FGF14: variants seen among roughly 807,000 people sequenced by gnomAD.
FGF14 encodes the protein fibroblast growth factor 14, also known as fibroblast growth factor homologous factor 4.
In FGF14, 5 loss-of-function variants were observed where a neutral mutation model predicts 25.5. That is an observed-to-expected ratio of 0.20 (90% CI 0.10 to 0.41). FGF14 has a LOEUF of 0.41. Among genes scored for constraint, FGF14 ranks in the 10% least tolerant of loss-of-function variants. The probability of loss-of-function intolerance (pLI) is 1.00; values close to 1 mark genes in which losing one functional copy is unlikely to be tolerated. For missense variants in FGF14, 222 were observed against 320.1 expected, an observed-to-expected ratio of 0.69 and a Z score of 2.34; for synonymous variants, 138 against 118.3, an observed-to-expected ratio of 1.17 and a Z score of -1.08.
At chr13:102,034,532 T>C (rs2041375822) in intron 1 of FGF14, among the ~76,000 whole-genome samples, 1 of 152,052 alleles carries the variant, frequency 6.6e-6, no homozygotes, top group Non-Finnish European at 1.5e-5. Context: ...TGAAGTTGAG[T>C]CAAGTGAGGC....
At chr13:102,366,069 G>A (rs1224879587) in intron 1 of FGF14, among the ~76,000 whole-genome samples, 2 of 152,168 alleles carry the variant, frequency 1.3e-5, no homozygotes, top group Non-Finnish European at 2.9e-5. Flanking sequence ...TCAATGGTTA[G>A]TGAAAAGGTT....
rs1318465197 is a variant in FGF14 at position 101,715,913 on chromosome 13, AGT to A, written c.*6916_*6917del. 1 of 382,930 alleles carries A rather than the reference AGT, an allele frequency of 2.6e-6. No individual in the cohort carries two copies. Among genetic ancestry groups the A allele is most frequent in the Non-Finnish European group, 4.8e-6 (1 of 206,722 alleles). 23.7% of individuals were successfully genotyped at this position (382,930 alleles called of 1,614,324 possible). On this transcript the variant is annotated 3_prime_UTR_variant, in exon 5 of 5. Transcript: ENST00000376143. ...AACGAGAGCAATTTTTCCACCCAAA[AGT>A]CATTTGGCAACATCTACAGACAATT...
chr13:102,161,703 GAAGAAGAAGAAGAAGAAGA>G (rs2047772741), intron 1 of FGF14, among the ~76,000 whole-genome samples: 1 of 148,200 alleles, frequency 6.7e-6, no homozygotes, highest in Non-Finnish European at 1.5e-5. Flanking sequence ...AGAAGAAGAA[GAAGAAGAAGAAGAAGAAGA>G]AGAATAGAAA....
chr13:102,329,463 T>A (rs1034521924), intron 1 of FGF14, among the ~76,000 whole-genome samples: 8 of 152,178 alleles, frequency 5.3e-5, no homozygotes, highest in African/African-American at 1.9e-4. Flanking sequence ...ACCTTTGTCA[T>A]TCCCTTAAAA....
intron 1 of FGF14, among the ~76,000 whole-genome samples, chr13:102,364,048 G>T (rs1181698616): frequency 6.6e-6 from 1 of 152,142 alleles, no homozygotes; most frequent in Non-Finnish European, 1.5e-5. Flanking sequence ...AGATCATTTG[G>T]GTACCCAGGT....
At chr13:102,279,436 T>A (rs2053716043) in intron 1 of FGF14, among the ~76,000 whole-genome samples, 1 of 152,214 alleles carries the variant, frequency 6.6e-6, no homozygotes, top group African/African-American at 2.4e-5. Context: ...ACATTACATT[T>A]AATCAATTTA....
chr13:101,828,561 A>G (rs896923591), intron 3 of FGF14, among the ~76,000 whole-genome samples: 8 of 151,836 alleles, frequency 5.3e-5, no homozygotes, highest in Non-Finnish European at 8.8e-5. Flanking sequence ...GAAGTTTCCA[A>G]ATTGAAGACT....
At chr13:102,372,469 G>A (rs1413341177) in intron 1 of FGF14, among the ~76,000 whole-genome samples, 2 of 152,102 alleles carry the variant, frequency 1.3e-5, no homozygotes, top group African/African-American at 4.8e-5. Flanking sequence ...GACATGCCAG[G>A]AAAGTCTTGG....
intron 3 of FGF14, among the ~76,000 whole-genome samples, chr13:101,831,962 A>T (rs1313990758): frequency 1.3e-5 from 2 of 152,110 alleles, no homozygotes; most frequent in African/African-American, 4.8e-5. Context: ...GCCACCAAAT[A>T]TATCAGGTCT....
At chr13:101,964,771 T>C (rs1363864850) in intron 1 of FGF14, among the ~76,000 whole-genome samples, 2 of 152,176 alleles carry the variant, frequency 1.3e-5, no homozygotes, top group Non-Finnish European at 2.9e-5. Context: ...TTTTTCTTTC[T>C]TTTCAATGGC....
At chr13:101,919,522 T>G (rs1473295800), upstream of FGF14, among the ~76,000 whole-genome samples, 1 of 151,972 alleles carries the variant, frequency 6.6e-6, no homozygotes, top group Non-Finnish European at 1.5e-5. Context: ...GCTGCAGTCT[T>G]TCCCCCAAAT....
chr13:101,872,445 T>C (rs1261148410), intron 2 of FGF14, among the ~76,000 whole-genome samples: 1 of 151,876 alleles, frequency 6.6e-6, no homozygotes, highest in East Asian at 2.0e-4. Context: ...GTACTCTAAG[T>C]AGGACCTGAC....
chr13:101,868,502 G>A, intron 3 of FGF14: 1 of 493,154 alleles, frequency 2.0e-6, no homozygotes, highest in East Asian at 3.9e-5. Context: ...TTTAAAATAT[G>A]GCAAAAGCAC....
At chr13:102,253,447 T>C (rs1468548662) in intron 1 of FGF14, among the ~76,000 whole-genome samples, 1 of 152,232 alleles carries the variant, frequency 6.6e-6, no homozygotes. Context: ...TTCATATGTC[T>C]TTTGGCTGCA....
intron 1 of FGF14, among the ~76,000 whole-genome samples, chr13:102,252,867 T>G (rs1012822910): frequency 6.6e-6 from 1 of 152,156 alleles, no homozygotes; most frequent in African/African-American, 2.4e-5. Context: ...CCCTTCCCTG[T>G]GTCCATGTGT....
chr13:102,009,504 C>T (rs912010003), intron 1 of FGF14, among the ~76,000 whole-genome samples: 1 of 151,904 alleles, frequency 6.6e-6, no homozygotes, highest in African/African-American at 2.4e-5. Flanking sequence ...AATTATTTTA[C>T]AATATGATTT....
intron 1 of FGF14, among the ~76,000 whole-genome samples, chr13:102,123,736 T>C (rs1199762187): frequency 1.3e-5 from 2 of 152,104 alleles, no homozygotes; most frequent in Non-Finnish European, 2.9e-5. Context: ...TTGACCCCCA[T>C]CCGGATATTA....
At chr13:102,361,281 T>G (rs2057557449) in intron 1 of FGF14, among the ~76,000 whole-genome samples, 1 of 151,956 alleles carries the variant, frequency 6.6e-6, no homozygotes, top group African/African-American at 2.4e-5. Context: ...GGAGAGGAGG[T>G]GAGCCAAGAA....
At chr13:101,952,756 T>C (rs1359444350) in intron 1 of FGF14, among the ~76,000 whole-genome samples, 1 of 152,152 alleles carries the variant, frequency 6.6e-6, no homozygotes, top group Admixed American at 6.6e-5. Flanking sequence ...GGAGGTCAGG[T>C]GTGGTGGCCC....
Sources: allele counts gnomAD v4.1 joint callset (sites outside exome capture counted in the v4.1 genomes callset), GRCh38; gene constraint gnomAD v4.1.1; transcripts MANE v1.5; gene names NCBI Gene and HGNC (gene_info 2026-07-23, HGNC 2026-07-21).